FAM193A: variants seen among roughly 807,000 people sequenced by gnomAD.
FAM193A encodes protein FAM193A.
In FAM193A, 22 loss-of-function variants were observed where a neutral mutation model predicts 126.5. The observed-to-expected ratio is 0.17, with a 90% CI of 0.12 to 0.25. FAM193A has a LOEUF of 0.25. FAM193A is among the 10% of genes least tolerant of loss of function. FAM193A has a pLI of 1.00. For synonymous variants in FAM193A, 761 were observed against 646.8 expected, an observed-to-expected ratio of 1.18 and a Z score of -2.68; for missense variants, 1,675 against 1,672.8, an observed-to-expected ratio of 1.00 and a Z score of -0.02.
chr4:2,721,911 C>G (rs1267801191), intron 20 of FAM193A, among the ~76,000 whole-genome samples: 1 of 152,194 alleles, frequency 6.6e-6, no homozygotes, highest in Non-Finnish European at 1.5e-5. Flanking sequence ...AACAGACTGT[C>G]ACCTCATGGA....
Position 2,690,770 on chromosome 4 carries a change from C to T in FAM193A, c.2603C>T (p.Thr868Ile). ...EALPPPSSNE[T>I]PAVSDSKEKK... ...CTTCCACCTCCATCTAGCAATGAAA[C>T]ACCTGCAGTCTCGGATAGTAAAGAG... Residue 868 changes from threonine (T) to isoleucine (I), a missense_variant, in exon 15 of 21, where the codon ACA (threonine) becomes ATA (isoleucine). By Grantham distance (89) the Thr-to-Ile change is moderately conservative. Coordinates refer to ENST00000637812, the MANE Select transcript of FAM193A (RefSeq NM_001366318.2). 6.2e-7 allele frequency: 1 copy of T among 1,613,926 alleles called. No individual in the cohort carries two copies. Among genetic ancestry groups the T allele is most frequent in the Non-Finnish European group, 8.5e-7 (1 of 1,179,814 alleles).
rs765842977 is a variant in FAM193A at position 2,696,404 on chromosome 4, G to A, written c.3318G>A (p.Arg1106=). The A allele has an allele frequency of 3.8e-5, 61 of 1,613,956 alleles. No homozygotes were observed. The highest frequency in any genetic ancestry group is 5.1e-5 in the Non-Finnish European group (60 of 1,179,996). ...APTSRNYAEM[R]EKLRLRLTKR... is the part of the protein sequence containing the mutation. ...CAAGTAGAAATTATGCAGAAATGAG[G>A]GAAAAGCTTCGCTTACGGCTGACCA... The change falls in exon 18 of 21, where the codon AGG becomes AGA. Residue 1106 remains arginine (R), a synonymous_variant. Transcript: ENST00000637812.
chr4:2,641,704 A>C (rs895524984), intron 6 of FAM193A, among the ~76,000 whole-genome samples: 3 of 152,196 alleles, frequency 2.0e-5, no homozygotes, highest in African/African-American at 7.2e-5. Flanking sequence ...GTATTGACCC[A>C]GTCTTTGTTT....
chr4:2,553,948 A>ACCGTGATTGTGAGGCCTCCCC (rs1402927753), intron 1 of FAM193A, among the ~76,000 whole-genome samples: 1 of 151,962 alleles, frequency 6.6e-6, no homozygotes, highest in African/African-American at 2.4e-5. Context: ...TTTGCCTTCC[A>ACCGTGATTGTGAGGCCTCCCC]CCGTGATTGT....
chr4:2,567,996 C>G (rs527294816), intron 1 of FAM193A, among the ~76,000 whole-genome samples: 20 of 152,304 alleles, frequency 1.3e-4, no homozygotes, highest in African/African-American at 4.6e-4. Context: ...CTTCAGAAGC[C>G]TGTTATCTAC....
chr4:2,597,775 A>G (rs1740950764), intron 2 of FAM193A, among the ~76,000 whole-genome samples: 1 of 151,540 alleles, frequency 6.6e-6, no homozygotes, highest in Non-Finnish European at 1.5e-5. Context: ...ATTAAGATTC[A>G]CTCTTTTTTT....
At chr4:2,566,308 A>C (rs1201590551) in intron 1 of FAM193A, among the ~76,000 whole-genome samples, 1 of 152,128 alleles carries the variant, frequency 6.6e-6, no homozygotes, top group African/African-American at 2.4e-5. Flanking sequence ...TGGCCTCCCA[A>C]AGTGCTGGGA....
At chr4:2,647,540 G>A (rs1363970461) in intron 7 of FAM193A, among the ~76,000 whole-genome samples, 1 of 152,180 alleles carries the variant, frequency 6.6e-6, no homozygotes, top group African/African-American at 2.4e-5. Context: ...AGGGAGTGCA[G>A]ACACATGCAC....
rs1308798953 is a variant in FAM193A, at chr4:2,695,048, C to T, written c.3195C>T (p.Ser1065=). ...SADEDSCSEH[S]SSTSTSTNQK... ...ATGAGGACAGCTGCTCTGAGCACAG[C>T]TCCAGCACCTCGACCTCCACCAACC... is the stretch of plus-strand genomic sequence containing the variant. The change falls in exon 17 of 21, where the codon AGC becomes AGT. Residue 1065 remains serine, a synonymous_variant. Coordinates refer to ENST00000637812, the MANE Select transcript of FAM193A (RefSeq NM_001366318.2). 5.0e-6 allele frequency: 8 copies of T among 1,609,036 alleles called. No homozygotes were observed. The highest frequency in any genetic ancestry group is 6.8e-6 in the Non-Finnish European group (8 of 1,178,084).
rs141475997 is a variant in FAM193A, at chr4:2,634,163, C to T, written c.1038+2994C>T. ...CACCGAAAGGGACAGCAGGGATCTG[C>T]AGCTCTCGTGGCCTTGGGGTGGAGA... On this transcript the variant is annotated intron_variant, in intron 5 of 20. Coordinates refer to ENST00000637812, the MANE Select transcript of FAM193A (RefSeq NM_001366318.2). Among the ~76,000 whole-genome samples the T allele has an allele frequency of 1.3e-3, 205 of 152,318 alleles. 1 individual carries two copies. Among genetic ancestry groups the T allele is most frequent in the Non-Finnish European group, 1.7e-3 (119 of 68,022 alleles).
In FAM193A at chr4:2,706,287, CT is replaced by C. The variant is rs1172771799; in HGVS notation, c.4372+5746del. Among the ~76,000 whole-genome samples, 17 of 120,412 alleles carry C rather than the reference CT, an allele frequency of 1.4e-4. No individual in the cohort carries two copies. The South Asian group carries it at 5.0e-3, about 35-fold the overall frequency. The allele number at this position is 120,412 out of a possible 152,430, so 79.0% of individuals were successfully genotyped here. A position where few individuals can be genotyped will look rare whatever the true frequency, so the allele number is the denominator to read the frequency against. Reference sequence around the variant, plus strand: ...CCTTTGTCCTACAATAAATTTCTTTCTTTCTTTTTTTTTTTTTTTTTTTTTT... The same window carrying C: ...CCTTTGTCCTACAATAAATTTCTTTCTTCTTTTTTTTTTTTTTTTTTTTTT... On this transcript the variant is annotated intron_variant, in intron 19 of 20. Coordinates refer to ENST00000637812, the MANE Select transcript of FAM193A (RefSeq NM_001366318.2).
At chr4:2,548,930 TG>T (rs1312745480) in intron 1 of FAM193A, among the ~76,000 whole-genome samples, 1 of 151,874 alleles carries the variant, frequency 6.6e-6, no homozygotes, top group Admixed American at 6.6e-5. Flanking sequence ...TTTACTTTTT[TG>T]TTTTTTTTGT....
intron 6 of FAM193A, among the ~76,000 whole-genome samples, chr4:2,644,640 C>T (rs1744950321): frequency 6.6e-6 from 1 of 151,978 alleles, no homozygotes; most frequent in Non-Finnish European, 1.5e-5. Flanking sequence ...AAATGACTGC[C>T]CAGTTACACC....
chr4:2,720,496 A>G (rs1720010750), intron 20 of FAM193A, among the ~76,000 whole-genome samples: 2 of 152,118 alleles, frequency 1.3e-5, no homozygotes, highest in Non-Finnish European at 1.5e-5. Context: ...TACAAAAAAT[A>G]AAATAATTAG....
chr4:2,731,655 C>CT (rs1721408478), intron 20 of FAM193A, 120 bp from the exon 21 acceptor site: 2 of 749,874 alleles, frequency 2.7e-6, no homozygotes, highest in Non-Finnish European at 4.6e-6. Context: ...CACCGAGAAT[C>CT]TAAACCCCTG....
At chr4:2,663,491 T>A (rs895384219) in intron 12 of FAM193A, among the ~76,000 whole-genome samples, 1 of 152,078 alleles carries the variant, frequency 6.6e-6, no homozygotes, top group Non-Finnish European at 1.5e-5. Flanking sequence ...CAACACCCCA[T>A]AGCAGCTCTG....
At chr4:2,690,554 G>T in intron 14 of FAM193A, 144 bp from the exon 15 acceptor site, 1 of 710,476 alleles carries the variant, frequency 1.4e-6, no homozygotes, top group South Asian at 1.9e-5. Context: ...TAGATTAAAA[G>T]CTAGTTGACT....
intron 14 of FAM193A, among the ~76,000 whole-genome samples, chr4:2,690,492 A>T (rs1716242236): frequency 6.6e-6 from 1 of 152,248 alleles, no homozygotes; most frequent in Non-Finnish European, 1.5e-5. Context: ...AACTTTGGAA[A>T]GCACCTAGCA....
intron 20 of FAM193A, among the ~76,000 whole-genome samples, chr4:2,721,131 G>A (rs1720095384): frequency 6.6e-6 from 1 of 151,950 alleles, no homozygotes; most frequent in South Asian, 2.1e-4. Flanking sequence ...GGCTAACACG[G>A]TGAAACCCCG....
Sources: gnomAD v4.1 joint callset for allele counts (sites outside exome capture counted in the v4.1 genomes callset) on GRCh38, gnomAD v4.1.1 for gene constraint, MANE v1.5 for transcripts, NCBI Gene and HGNC (gene_info 2026-07-23, HGNC 2026-07-21) for gene names.